Variants in SREK1 observed in about 807,000 individuals in gnomAD.
SREK1 encodes the protein splicing regulatory glutamic acid and lysine rich protein 1.
In SREK1, 13 loss-of-function variants were observed where a neutral mutation model predicts 66.5. The ratio of observed to expected loss-of-function variants is 0.20; its 90% CI spans 0.13 to 0.31. SREK1 has a LOEUF of 0.31. Ranked by LOEUF, SREK1 falls within the 10% of genes least tolerant of loss-of-function variation. The pLI, the probability that SREK1 is intolerant of heterozygous loss-of-function variation, is 1.00. For missense variants in SREK1, 607 were observed against 769.6 expected, an observed-to-expected ratio of 0.79 and a Z score of 2.50; for synonymous variants, 265 against 263.5, an observed-to-expected ratio of 1.01 and a Z score of -0.05.
intron 2 of SREK1, among the ~76,000 whole-genome samples, chr5:66,154,191 A>G (rs1267938845): frequency 6.6e-6 from 1 of 152,224 alleles, no homozygotes; most frequent in East Asian, 1.9e-4. Flanking sequence ...GCAATTTTCC[A>G]AAGCCTCCAT....
intron 9 of SREK1, among the ~76,000 whole-genome samples, chr5:66,173,399 C>T (rs1336329686): frequency 2.0e-5 from 3 of 152,262 alleles, no homozygotes; most frequent in Non-Finnish European, 4.4e-5. Flanking sequence ...CTATGCTTTG[C>T]ACATTACAGA....
chr5:66,177,978 T>C (rs113555085), intron 11 of SREK1, among the ~76,000 whole-genome samples: 1,965 of 152,212 alleles, frequency 0.013, 44 homozygotes, highest in African/African-American at 0.045. Context: ...AATTTATGTT[T>C]CAGCAAGTTT....
intron 3 of SREK1, among the ~76,000 whole-genome samples, 194 bp from the exon 4 acceptor site, chr5:66,161,915 A>G (rs1161041020): frequency 1.3e-5 from 2 of 152,240 alleles, no homozygotes; most frequent in Non-Finnish European, 2.9e-5. Flanking sequence ...ACAGTAAAAT[A>G]TATTTCAAAT....
At chr5:66,178,689 T>C (rs776747797) in intron 11 of SREK1, 30 bp from the exon 12 acceptor site, 1 of 1,523,734 alleles carries the variant, frequency 6.6e-7, no homozygotes, top group South Asian at 1.3e-5. Context: ...GAGGAAAATA[T>C]TAAATGCATA....
At position 66,144,317 on chromosome 5, in the gene SREK1, C is replaced by T. The variant is rs115134824; in HGVS notation, c.-60C>T. On this transcript the variant is annotated 5_prime_UTR_variant, in exon 1 of 12. Coordinates refer to ENST00000334121, the MANE Select transcript of SREK1 (RefSeq NM_001077199.3). ...GGCCGCGCGTTCTCCGCTTTCCCGG[C>T]TCCGTCGCTGACGCGTCGTAGACGT... The T allele has an allele frequency of 4.4e-6, 6 of 1,363,844 alleles. No individual in the cohort carries two copies. The highest frequency in any genetic ancestry group is 1.5e-5 in the African/African-American group (1 of 67,034). 84.5% of individuals were successfully genotyped at this position (1,363,844 alleles called of 1,614,324 possible). A position where few individuals can be genotyped will look rare whatever the true frequency, so the allele number is the denominator to read the frequency against.
chr5:66,174,123 G>A (rs1745869646), intron 9 of SREK1, among the ~76,000 whole-genome samples: 1 of 148,866 alleles, frequency 6.7e-6, no homozygotes, highest in Admixed American at 6.7e-5. Context: ...ATCAGAACTT[G>A]TGAGATAGAT....
At chr5:66,153,868 C>G (rs1744058865) in intron 2 of SREK1, 1 of 351,292 alleles carries the variant, frequency 2.8e-6, no homozygotes, top group Non-Finnish European at 4.9e-6. Context: ...AGAAAGCTTT[C>G]TGAAATTAAA....
At chr5:66,170,215 TCTGTTAGTG>T in intron 8 of SREK1, 45 bp downstream of exon 8, 1 of 1,588,476 alleles carries the variant, frequency 6.3e-7, no homozygotes, top group African/African-American at 1.4e-5. Context: ...TCCTCAGAGT[TCTGTTAGTG>T]CTAAGGGATA....
intron 3 of SREK1, among the ~76,000 whole-genome samples, chr5:66,159,989 G>A (rs535242511): frequency 6.6e-6 from 1 of 152,296 alleles, no homozygotes; most frequent in South Asian, 2.1e-4. Context: ...ACTTCTCTGG[G>A]CGTGGTGGCG....
At chr5:66,171,076 C>G (rs114208756) in intron 9 of SREK1, 129 bp downstream of exon 9, 1 of 1,141,928 alleles carries the variant, frequency 8.8e-7, no homozygotes, top group East Asian at 2.6e-5. Context: ...ACATTTTCTC[C>G]TAATTTCAGA....
In SREK1 at chr5:66,183,562, CAA is replaced by C. The variant is rs1319663876; in HGVS notation, c.*4695_*4696del. The C allele has an allele frequency of 1.3e-5, 2 of 152,130 alleles. No homozygotes were observed. The highest frequency in any genetic ancestry group is 2.1e-4 in the South Asian group (1 of 4,824). The allele number at this position is 152,130 out of a possible 1,614,324, so 9.4% of individuals were successfully genotyped here. A position where few individuals can be genotyped will look rare whatever the true frequency, so the allele number is the denominator to read the frequency against. On this transcript the variant is annotated 3_prime_UTR_variant, in exon 12 of 12. Coordinates refer to ENST00000334121, the MANE Select transcript of SREK1 (RefSeq NM_001077199.3). ...ATGGTACTAGTAAAGATTTATCAAA[CAA>C]TGCTGCTATTATGTTGCTATATTTT...
intron 7 of SREK1, chr5:66,168,747 G>C (rs1314515584): frequency 6.6e-6 from 1 of 152,158 alleles, no homozygotes; most frequent in Non-Finnish European, 1.5e-5. Flanking sequence ...AGTTTTAGCT[G>C]TATAAAGGAT....
intron 1 of SREK1, among the ~76,000 whole-genome samples, chr5:66,146,064 C>T (rs1358280740): frequency 6.6e-6 from 1 of 151,932 alleles, no homozygotes; most frequent in Non-Finnish European, 1.5e-5. Flanking sequence ...TGCATAAGTG[C>T]ACGCACGTAC....
intron 1 of SREK1, among the ~76,000 whole-genome samples, chr5:66,146,875 A>G (rs1285242486): frequency 6.6e-6 from 1 of 152,210 alleles, no homozygotes; most frequent in Non-Finnish European, 1.5e-5. Context: ...ACATATTTCC[A>G]GGTATATTGG....
chr5:66,178,758 A>G lies in SREK1; in HGVS notation c.1765A>G (p.Lys589Glu). ...HNKEPDSSVSKEVDDKDAPRT... is the reference protein window; with the variant it reads ...HNKEPDSSVSEEVDDKDAPRT... ...TAAAGAACCAGATTCAAGTGTGAGC[A>G]AAGAAGTAGATGACAAGGATGCACC... is the stretch of plus-strand genomic sequence containing the variant. Residue 589 changes from lysine (K) to glutamate (E), a missense_variant, in exon 12 of 12, where the codon AAA becomes GAA. This residue lies in a region of SREK1 where 318 missense variants were observed against 310.3 expected (regional missense o/e 1.02). Transcript: ENST00000334121. The G allele has an allele frequency of 6.2e-7, 1 of 1,612,470 alleles. No homozygotes were observed. The highest frequency in any genetic ancestry group is 8.5e-7 in the Non-Finnish European group (1 of 1,178,872).
In SREK1 at chr5:66,179,857, A is replaced by AT. The variant is rs1190761981; in HGVS notation, c.*989_*990insT. 1 of 152,554 alleles carries AT rather than the reference A, an allele frequency of 6.6e-6. No individual in the cohort carries two copies. Among genetic ancestry groups the AT allele is most frequent in the Non-Finnish European group, 1.5e-5 (1 of 67,980 alleles). 9.5% of individuals were successfully genotyped at this position (152,554 alleles called of 1,614,324 possible). On this transcript the variant is annotated 3_prime_UTR_variant, in exon 12 of 12. Transcript: ENST00000334121. ...AGATGGATATTTCATGCATACCCAT[A>AT]GAGAAGTGTGTAAGTGATATGTCAG...
intron 3 of SREK1, 120 bp from the exon 4 acceptor site, chr5:66,161,989 A>C (rs1744811184): frequency 8.9e-7 from 1 of 1,125,872 alleles, no homozygotes; most frequent in Admixed American, 3.0e-5. Context: ...GAAAGTTCGG[A>C]GTCCCTAGTC....
chr5:66,144,651 C>G (rs1383282713), intron 1 of SREK1, 114 bp downstream of exon 1: 1 of 1,424,322 alleles, frequency 7.0e-7, no homozygotes, highest in Non-Finnish European at 9.2e-7. Context: ...GTGATCGCGC[C>G]GGCTTACCTT....
In SREK1 at chr5:66,145,119, C is replaced by T. The variant is rs1282324230; in HGVS notation, c.161+582C>T. On this transcript the variant is annotated intron_variant, in intron 1 of 11. Transcript: ENST00000334121. ...TTCCCAAAGATCATGTCTGTTAGCCCTTTTGACAGCAGATTAAATTTTCCT... is the reference window on the plus strand; with the variant it reads ...TTCCCAAAGATCATGTCTGTTAGCCTTTTTGACAGCAGATTAAATTTTCCT... The T allele has an allele frequency of 1.5e-5, 15 of 985,540 alleles. No individual in the cohort carries two copies. In the South Asian group the frequency reaches 3.7e-4, roughly 25 times the overall value. The allele number at this position is 985,540 out of a possible 1,614,324, so 61.0% of individuals were successfully genotyped here.
Sources: allele counts gnomAD v4.1 joint callset (sites outside exome capture counted in the v4.1 genomes callset), GRCh38; gene constraint gnomAD v4.1.1; regional missense constraint gnomAD v4.1.1; transcripts MANE v1.5; gene names NCBI Gene and HGNC (gene_info 2026-07-23, HGNC 2026-07-21).